The following UGT2A2 variants were observed in gnomAD, a reference collection of about 807,000 sequenced individuals.
The protein encoded by UGT2A2 is UDP glucuronosyltransferase family 2 member A2.
In UGT2A2, 60 loss-of-function variants were observed where a neutral mutation model predicts 50.7. The observed-to-expected ratio is 1.18, with a 90% CI of 0.96 to 1.47. UGT2A2 has a LOEUF of 1.47. UGT2A2 is among the 40% of genes most tolerant of loss of function. The probability of loss-of-function intolerance (pLI) is 0.00; values close to 1 mark genes in which losing one functional copy is unlikely to be tolerated. For missense variants in UGT2A2, 762 were observed against 634.0 expected, an observed-to-expected ratio of 1.20 and a Z score of -2.17; for synonymous variants, 242 against 214.6, an observed-to-expected ratio of 1.13 and a Z score of -1.11.
At chr4:69,624,686 A>G (rs1482336413) in intron 1 of UGT2A2, among the ~76,000 whole-genome samples, 1 of 151,378 alleles carries the variant, frequency 6.6e-6, no homozygotes, top group Non-Finnish European at 1.5e-5. Context: ...TAGCATAACA[A>G]CTTTACGACA....
Position 69,589,437 on chromosome 4 carries a change from T to C in UGT2A2, c.1546A>G (p.Ile516Val), listed in dbSNP as rs555244639. 1.9e-5 allele frequency: 31 copies of C among 1,614,154 alleles called. No homozygotes were observed. In the South Asian group the frequency reaches 2.6e-4, roughly 14 times the overall value. Residue 516 changes from isoleucine (I) to valine (V), a missense_variant, in exon 6 of 6, where the codon ATA becomes GTA. By Grantham distance (29) the Ile-to-Val change is conservative. Coordinates refer to ENST00000604629, the MANE Select transcript of UGT2A2 (RefSeq NM_001105677.2). The part of the protein sequence containing the change: ...VCVTTAIFLV[I>V]QCCLFSCQKF... ...TGACAGGAAAACAAACAACATTGTA[T>C]GACCAAAAATATAGCCGTTGTCACA...
chr4:69,590,680 G>A (rs1448124342), intron 5 of UGT2A2, among the ~76,000 whole-genome samples: 1 of 151,700 alleles, frequency 6.6e-6, no homozygotes, highest in Non-Finnish European at 1.5e-5. Context: ...TGTCTGTCTA[G>A]TGAAAAAGAA....
At chr4:69,600,754 T>C (rs1719235196) in intron 1 of UGT2A2, among the ~76,000 whole-genome samples, 2 of 151,892 alleles carry the variant, frequency 1.3e-5, no homozygotes. Context: ...GCAGGTTGTT[T>C]TGCATGATGG....
intron 1 of UGT2A2, among the ~76,000 whole-genome samples, chr4:69,631,226 AAATTAGTTAAGTGGGC>A (rs1380271093): frequency 1.3e-5 from 2 of 152,140 alleles, no homozygotes; most frequent in Non-Finnish European, 2.9e-5. Flanking sequence ...TGTTTTAGTG[AAATTAGTTAAGTGGGC>A]TTTGGAGGTA....
intron 1 of UGT2A2, among the ~76,000 whole-genome samples, chr4:69,626,851 G>T (rs1721088488): frequency 6.6e-6 from 1 of 151,556 alleles, no homozygotes; most frequent in Non-Finnish European, 1.5e-5. Context: ...AATTGTCCCA[G>T]ATTTTGGAAC....
chr4:69,603,872 G>T lies in UGT2A2; in HGVS notation c.743-4478C>A, dbSNP rs1033927387. On this transcript the variant is annotated intron_variant, in intron 1 of 5. Coordinates refer to ENST00000604629, the MANE Select transcript of UGT2A2 (RefSeq NM_001105677.2). The stretch of plus-strand genomic sequence containing the variant: ...CGAGAAGAGAAGTTTAGAGAAAAAA[G>T]AATAAAAAGAAACGAACAAAGCCTC... Among the ~76,000 whole-genome samples, 11 of 136,062 alleles carry T rather than the reference G, an allele frequency of 8.1e-5. 2 individuals are homozygous for T. Among genetic ancestry groups the T allele is most frequent in the Admixed American group, 1.5e-4 (2 of 13,770 alleles). The allele number at this position is 136,062 out of a possible 152,430, so 89.3% of individuals were successfully genotyped here. A position where few individuals can be genotyped will look rare whatever the true frequency, so the allele number is the denominator to read the frequency against.
intron 1 of UGT2A2, among the ~76,000 whole-genome samples, chr4:69,627,974 T>A (rs1455744661): frequency 6.6e-6 from 1 of 152,006 alleles, no homozygotes; most frequent in Non-Finnish European, 1.5e-5. Flanking sequence ...GATTGCCTTT[T>A]AAGTTTGTTG....
intron 1 of UGT2A2, among the ~76,000 whole-genome samples, chr4:69,607,487 A>G (rs1004351119): frequency 1.3e-5 from 2 of 151,962 alleles, no homozygotes; most frequent in African/African-American, 4.8e-5. Flanking sequence ...CCTAGGCAAT[A>G]CCATTCAGGA....
At chr4:69,612,793 A>G (rs1484855815) in intron 1 of UGT2A2, among the ~76,000 whole-genome samples, 3 of 151,846 alleles carry the variant, frequency 2.0e-5, no homozygotes, top group Admixed American at 2.0e-4. Flanking sequence ...AAAACCTAGG[A>G]TATTATGTAT....
At chr4:69,615,152 C>A (rs1272752309) in intron 1 of UGT2A2, among the ~76,000 whole-genome samples, 2 of 151,974 alleles carry the variant, frequency 1.3e-5, no homozygotes, top group Admixed American at 1.3e-4. Context: ...ACACAGGAGA[C>A]AAACCATATC....
rs755274885 is a variant in UGT2A2 at position 69,639,135 on chromosome 4, G to A, written c.506C>T (p.Ala169Val). The A allele has an allele frequency of 6.2e-7, 1 of 1,613,596 alleles. No homozygotes were observed. Among genetic ancestry groups the A allele is most frequent in the South Asian group, 1.1e-5 (1 of 91,038 alleles). Reference sequence around the variant, plus strand: ...CATAAATGGAATTCCTAATTTCAGAGCAACAAGATCACCACAGATTGTTAC... The same window carrying A: ...CATAAATGGAATTCCTAATTTCAGAACAACAAGATCACCACAGATTGTTAC... ...DPVTICGDLV[A>V]LKLGIPFMYT... is the part of the protein sequence containing the mutation. Residue 169 changes from alanine (A) to valine (V), a missense_variant, in exon 1 of 6, where the codon GCT becomes GTT. Coordinates refer to ENST00000604629, the MANE Select transcript of UGT2A2 (RefSeq NM_001105677.2).
intron 1 of UGT2A2, among the ~76,000 whole-genome samples, chr4:69,630,665 T>C (rs1208314778): frequency 6.6e-6 from 1 of 152,080 alleles, no homozygotes; most frequent in Non-Finnish European, 1.5e-5. Flanking sequence ...TTCAACAAAC[T>C]GGTCACAAAA....
intron 1 of UGT2A2, among the ~76,000 whole-genome samples, chr4:69,618,373 G>T (rs867302876): frequency 6.6e-6 from 1 of 151,758 alleles, no homozygotes; most frequent in African/African-American, 2.4e-5. Context: ...CTAATTGGGA[G>T]ATTCCACTAC....
intron 1 of UGT2A2, among the ~76,000 whole-genome samples, chr4:69,636,854 A>G (rs1474803889): frequency 1.3e-5 from 2 of 152,180 alleles, no homozygotes; most frequent in African/African-American, 4.8e-5. Context: ...ACCCTATTTT[A>G]AAGAAGAGAA....
At chr4:69,623,930 A>G (rs1431747571) in intron 1 of UGT2A2, among the ~76,000 whole-genome samples, 1 of 151,666 alleles carries the variant, frequency 6.6e-6, no homozygotes, top group African/African-American at 2.4e-5. Flanking sequence ...CAGAATGCCC[A>G]GGACAAGCAC....
intron 2 of UGT2A2, among the ~76,000 whole-genome samples, chr4:69,596,645 C>G (rs183466418): frequency 1.3e-3 from 199 of 152,254 alleles, no homozygotes; most frequent in Non-Finnish European, 2.6e-3. Flanking sequence ...CCTCAGCCTC[C>G]TGAGTAACTG....
intron 1 of UGT2A2, among the ~76,000 whole-genome samples, chr4:69,613,345 T>G (rs1214373099): frequency 1.3e-5 from 2 of 151,894 alleles, no homozygotes; most frequent in Non-Finnish European, 2.9e-5. Flanking sequence ...TGATAAAAAT[T>G]CTCCTATCCA....
At chr4:69,626,630 A>T (rs1721074548) in intron 1 of UGT2A2, among the ~76,000 whole-genome samples, 1 of 151,372 alleles carries the variant, frequency 6.6e-6, no homozygotes, top group African/African-American at 2.4e-5. Flanking sequence ...TTGGAAACTA[A>T]AATGAAAGCA....
intron 4 of UGT2A2, among the ~76,000 whole-genome samples, chr4:69,594,921 T>A (rs1718827848): frequency 6.6e-6 from 1 of 152,192 alleles, no homozygotes; most frequent in Non-Finnish European, 1.5e-5. Context: ...GAGGAGATGA[T>A]ATCTGAACTG....
Sources: gnomAD v4.1 joint callset for allele counts (sites outside exome capture counted in the v4.1 genomes callset) on GRCh38, gnomAD v4.1.1 for gene constraint, MANE v1.5 for transcripts, NCBI Gene and HGNC (gene_info 2026-07-23, HGNC 2026-07-21) for gene names.